Variants in COL27A1 observed in about 807,000 individuals in gnomAD.
COL27A1 encodes collagen type XXVII alpha 1 chain, also known as collagen alpha-1(XXVII) chain.
COL27A1 carries 106 observed loss-of-function variants against 251.3 expected under a neutral mutation model. That is an observed-to-expected ratio of 0.42 (90% CI 0.36 to 0.50). COL27A1 has a LOEUF of 0.50. Among genes scored for constraint, COL27A1 ranks in the 20% least tolerant of loss-of-function variants. The probability of loss-of-function intolerance (pLI) is 0.00; values close to 1 mark genes in which losing one functional copy is unlikely to be tolerated. For missense variants in COL27A1, 2,325 were observed against 2,522.8 expected (o/e 0.92, Z 1.68); for synonymous variants, 1,000 against 986.3 (o/e 1.01, Z -0.26).
chr9:114,191,430 C>T lies in COL27A1; in HGVS notation c.2017-2974C>T, dbSNP rs571313853. Among the ~76,000 whole-genome samples the T allele has an allele frequency of 4.6e-5, 7 of 152,230 alleles. No individual in the cohort carries two copies. The South Asian group carries it at 1.5e-3, about 32-fold the overall frequency. On this transcript the variant is annotated intron_variant, in intron 5 of 60. Transcript: ENST00000356083. The stretch of plus-strand genomic sequence containing the variant: ...TGCTCTCCCTACCCCTACTCCCCTG[C>T]CACCGACAGGCCCCAGTGTATGTTG...
intron 19 of COL27A1, among the ~76,000 whole-genome samples, chr9:114,239,235 T>C (rs1483373737): frequency 6.6e-6 from 1 of 152,256 alleles, no homozygotes; most frequent in African/African-American, 2.4e-5. Flanking sequence ...CATCAGGATT[T>C]GCTCAGCATC....
At chr9:114,286,817 C>T (rs1365141733) in intron 41 of COL27A1, among the ~76,000 whole-genome samples, 3 of 152,148 alleles carry the variant, frequency 2.0e-5, no homozygotes, top group East Asian at 1.9e-4. Context: ...GGCTTTGGGC[C>T]GAGATTGCCC....
At chr9:114,194,145 G>T (rs760835793) in intron 5 of COL27A1, among the ~76,000 whole-genome samples, 26 of 152,164 alleles carry the variant, frequency 1.7e-4, no homozygotes, top group Non-Finnish European at 3.2e-4. Flanking sequence ...TAGGGTGCCT[G>T]GGACTGGCTG....
Position 114,264,388 on chromosome 9 carries a change from C to G in COL27A1, c.3229C>G (p.Gln1077Glu), listed in dbSNP as rs2135591451. The change falls in exon 29 of 61, where the codon CAA (glutamine) becomes GAA (glutamate). Residue 1077 changes from glutamine to glutamate, a missense_variant. Around this residue, in one of 4 missense-constraint regions of COL27A1, gnomAD observed 662 missense variants for 795.3 expected, o/e 0.83. Coordinates refer to ENST00000356083, the MANE Select transcript of COL27A1 (RefSeq NM_032888.4). ...AGGACCGGACGGACCAGCTGGGGAG[C>G]AAGGGTCCAGGGGCCTGAAGGTACC... ...PRGPDGPAGE[Q>E]GSRGLKGPPG... is the part of the protein sequence containing the mutation. 1 of 1,596,212 alleles carries G rather than the reference C, an allele frequency of 6.3e-7. No individual in the cohort carries two copies. Among genetic ancestry groups the G allele is most frequent in the Admixed American group, 1.7e-5 (1 of 58,618 alleles).
intron 45 of COL27A1, among the ~76,000 whole-genome samples, chr9:114,289,744 G>T (rs935021200): frequency 6.6e-6 from 1 of 152,002 alleles, no homozygotes; most frequent in African/African-American, 2.4e-5. Context: ...TCCCCCGGGT[G>T]CGCCCCCCTC....
At chr9:114,256,223 G>A (rs1564531347) in intron 27 of COL27A1, among the ~76,000 whole-genome samples, 1 of 152,228 alleles carries the variant, frequency 6.6e-6, no homozygotes, top group Non-Finnish European at 1.5e-5. Flanking sequence ...CAGGTGCAAT[G>A]GCTCATGCCT....
chr9:114,203,611 A>T (rs1489722941), intron 7 of COL27A1, among the ~76,000 whole-genome samples: 2 of 152,220 alleles, frequency 1.3e-5, no homozygotes, highest in Non-Finnish European at 2.9e-5. Context: ...TCTGAGATAC[A>T]ATCATGTCAC....
At position 114,159,756 on chromosome 9, in the gene COL27A1, G is replaced by A. The variant is rs141485803; in HGVS notation, c.63-2959G>A. On this transcript the variant is annotated intron_variant, in intron 1 of 60. Coordinates refer to ENST00000356083, the MANE Select transcript of COL27A1 (RefSeq NM_032888.4). ...CCTAGAAAGCATGTCCCTGGTGGGT[G>A]TGGGAAATACTACTGAAGAATTATG... Among the ~76,000 whole-genome samples, 18 of 152,334 alleles carry A rather than the reference G, an allele frequency of 1.2e-4. 2 individuals carry two copies. The East Asian group carries it at 3.3e-3, about 28-fold the overall frequency.
Position 114,168,599 on chromosome 9 carries a change from T to C in COL27A1, c.1044T>C (p.Pro348=). 1 of 1,614,008 alleles carries C rather than the reference T, an allele frequency of 6.2e-7. No individual in the cohort carries two copies. Among genetic ancestry groups the C allele is most frequent in the Non-Finnish European group, 8.5e-7 (1 of 1,179,968 alleles). Residue 348 remains proline (P), a synonymous_variant, in exon 3 of 61, where the codon CCT becomes CCC. Coordinates refer to ENST00000356083, the MANE Select transcript of COL27A1 (RefSeq NM_032888.4). Reference sequence around the variant, plus strand: ...CTGTTGGCGGCTCTACCAGAACGCCTCGCCCTGCGGCCGCTCAACCATCAC... The same window carrying C: ...CTGTTGGCGGCTCTACCAGAACGCCCCGCCCTGCGGCCGCTCAACCATCAC... The part of the protein sequence containing the change: ...PASVGGSTRT[P]RPAAAQPSQK...
chr9:114,247,146 T>G (rs1833196158), intron 24 of COL27A1, among the ~76,000 whole-genome samples: 1 of 152,194 alleles, frequency 6.6e-6, no homozygotes, highest in African/African-American at 2.4e-5. Flanking sequence ...GAAAATATGT[T>G]AAAATATAAT....
chr9:114,288,818 C>A, intron 43 of COL27A1, 63 bp downstream of exon 43: 1 of 1,600,784 alleles, frequency 6.2e-7, no homozygotes, highest in Non-Finnish European at 8.6e-7. Flanking sequence ...GGGGATGACA[C>A]ATGTCTAGAA....
intron 2 of COL27A1, among the ~76,000 whole-genome samples, chr9:114,166,531 C>T (rs1208886665): frequency 6.6e-6 from 1 of 152,176 alleles, no homozygotes; most frequent in South Asian, 2.1e-4. Flanking sequence ...CATTCAGCCC[C>T]CAGCACAACC....
At chr9:114,302,999 C>T (rs1413510745) in intron 56 of COL27A1, among the ~76,000 whole-genome samples, 1 of 152,194 alleles carries the variant, frequency 6.6e-6, no homozygotes, top group African/African-American at 2.4e-5. Flanking sequence ...CATGCCTGCT[C>T]TCACTGCCAC....
intron 17 of COL27A1, among the ~76,000 whole-genome samples, chr9:114,236,139 A>T (rs1447107241): frequency 1.3e-5 from 2 of 151,484 alleles, no homozygotes; most frequent in Admixed American, 6.6e-5. Flanking sequence ...GACCCCCTCC[A>T]CCCAGCCTCT....
intron 58 of COL27A1, chr9:114,307,080 A>G (rs1029529942): frequency 1.5e-5 from 3 of 202,674 alleles, no homozygotes; most frequent in Non-Finnish European, 2.0e-5. Context: ...CCTGAGTTCC[A>G]ATGTCAGTTC....
At chr9:114,196,523 G>A (rs1223076423) in intron 7 of COL27A1, among the ~76,000 whole-genome samples, 5 of 152,204 alleles carry the variant, frequency 3.3e-5, no homozygotes, top group African/African-American at 1.2e-4. Context: ...GGACCCTGGG[G>A]TCAGTTGGAC....
In COL27A1 at chr9:114,168,134, T is replaced by C. The variant is rs978575901; in HGVS notation, c.579T>C (p.Pro193=). Residue 193 remains proline (P), a synonymous_variant, in exon 3 of 61, where the codon CCT becomes CCC. Transcript: ENST00000356083. ...TCCACAGGGACCCTGCACTCGACCCTGGGGGCTCCTTCCTCTTTGGGAAGA... is the reference window on the plus strand; with the variant it reads ...TCCACAGGGACCCTGCACTCGACCCCGGGGGCTCCTTCCTCTTTGGGAAGA... ...LPFHRDPALD[P]GGSFLFGKMN... 5 of 1,613,092 alleles carry C rather than the reference T, an allele frequency of 3.1e-6. No individual in the cohort carries two copies. Among genetic ancestry groups the C allele is most frequent in the Non-Finnish European group, 4.2e-6 (5 of 1,180,012 alleles).
intron 9 of COL27A1, 148 bp from the exon 10 acceptor site, chr9:114,206,103 TG>T: frequency 2.5e-6 from 2 of 788,872 alleles, no homozygotes; most frequent in Non-Finnish European, 4.3e-6. Context: ...CCTAGGGCTG[TG>T]GGGGTCAGGC....
Position 114,282,510 on chromosome 9 carries a change from T to A in COL27A1, c.3825T>A (p.Pro1275=). ...GTGAGATGGGCGTCCCTGGAGACCC[T>A]GGACCCCCTGGCACTCCAGGCCCTA... ...QLGEMGVPGD[P]GPPGTPGPKG... The change falls in exon 39 of 61, where the codon CCT becomes CCA. Residue 1275 remains proline (P), a synonymous_variant. Transcript: ENST00000356083. 6.3e-7 allele frequency: 1 copy of A among 1,576,816 alleles called. No homozygotes were observed. Among genetic ancestry groups the A allele is most frequent in the Non-Finnish European group, 8.6e-7 (1 of 1,162,912 alleles).
Sources: gnomAD v4.1 joint callset for allele counts (sites outside exome capture counted in the v4.1 genomes callset) on GRCh38, gnomAD v4.1.1 for gene constraint, gnomAD v4.1.1 regional missense constraint, MANE v1.5 for transcripts, NCBI Gene and HGNC (gene_info 2026-07-23, HGNC 2026-07-21) for gene names.